Variants in GPR107 observed in about 807,000 individuals in gnomAD.
GPR107 encodes protein GPR107.
GPR107 carries 31 observed loss-of-function variants against 75.5 expected under a neutral mutation model. The ratio of observed to expected loss-of-function variants is 0.41; its 90% CI spans 0.31 to 0.55. GPR107 has a LOEUF of 0.55. Ranked by LOEUF, GPR107 falls within the 20% of genes least tolerant of loss-of-function variation. GPR107 has a pLI of 0.26. For synonymous variants in GPR107, 267 were observed against 251.3 expected (o/e 1.06, Z -0.59); for missense variants, 572 against 665.7 (o/e 0.86, Z 1.55).
At chr9:130,132,018 A>AC (rs1256190010) in intron 17 of GPR107, among the ~76,000 whole-genome samples, 2 of 152,136 alleles carry the variant, frequency 1.3e-5, no homozygotes, top group Non-Finnish European at 2.9e-5. Context: ...AATAGCTGGG[A>AC]CCACAGATGA....
At chr9:130,078,465 G>A (rs1830413831) in intron 4 of GPR107, among the ~76,000 whole-genome samples, 2 of 152,186 alleles carry the variant, frequency 1.3e-5, no homozygotes, top group South Asian at 4.1e-4. Context: ...TTTCATTTAA[G>A]AAGATTGATC....
At chr9:130,102,408 C>T (rs891391444) in intron 12 of GPR107, among the ~76,000 whole-genome samples, 6 of 152,172 alleles carry the variant, frequency 3.9e-5, no homozygotes, top group Non-Finnish European at 8.8e-5. Context: ...CCAGCCTGAA[C>T]CAGGCTGTCG....
Position 130,138,606 on chromosome 9 carries a change from AG to A in GPR107, c.*3487del, listed in dbSNP as rs1554900342. ...CTCCCCGTGCCTATTGATCCCACAT[AG>A]GCTCATTCTGGGTACACCGGCTAAA... On this transcript the variant is annotated 3_prime_UTR_variant, in exon 18 of 18. Coordinates refer to ENST00000347136, the MANE Select transcript of GPR107 (RefSeq NM_020960.5). 1 of 150,216 alleles carries A rather than the reference AG, an allele frequency of 6.7e-6. No individual in the cohort carries two copies. The highest frequency in any genetic ancestry group is 1.5e-5 in the Non-Finnish European group (1 of 67,862). 9.3% of individuals were successfully genotyped at this position (150,216 alleles called of 1,614,324 possible).
intron 14 of GPR107, among the ~76,000 whole-genome samples, chr9:130,123,950 T>C (rs1395476833): frequency 6.6e-6 from 1 of 152,244 alleles, no homozygotes; most frequent in Non-Finnish European, 1.5e-5. Context: ...TCCTCTCAAC[T>C]GTGAGACTTT....
chr9:130,056,155 A>T (rs547002409), intron 1 of GPR107, among the ~76,000 whole-genome samples: 1 of 151,164 alleles, frequency 6.6e-6, no homozygotes, highest in East Asian at 2.0e-4. Flanking sequence ...GCATGTAGAA[A>T]TGTAGACAAA....
intron 6 of GPR107, among the ~76,000 whole-genome samples, chr9:130,084,778 A>G (rs1830577408): frequency 6.6e-6 from 1 of 150,592 alleles, no homozygotes; most frequent in Admixed American, 6.6e-5. Flanking sequence ...CCTGTCTCAA[A>G]AAAAAAAAAA....
chr9:130,090,518 A>AT (rs1332838401), intron 7 of GPR107, among the ~76,000 whole-genome samples: 1 of 152,228 alleles, frequency 6.6e-6, no homozygotes, highest in Non-Finnish European at 1.5e-5. Flanking sequence ...TAGATCTGTG[A>AT]TAAAACAGGC....
intron 1 of GPR107, among the ~76,000 whole-genome samples, chr9:130,055,938 C>T (rs1353883031): frequency 6.6e-6 from 1 of 151,590 alleles, no homozygotes; most frequent in Non-Finnish European, 1.5e-5. Flanking sequence ...AAGAACTATA[C>T]TCTGTCTCAA....
chr9:130,081,257 G>C (rs2132571045), intron 5 of GPR107, among the ~76,000 whole-genome samples: 1 of 152,238 alleles, frequency 6.6e-6, no homozygotes, highest in South Asian at 2.1e-4. Context: ...CTCAAAGGAG[G>C]CTGGGCATGG....
chr9:130,108,386 A>G (rs1275422274), intron 14 of GPR107, among the ~76,000 whole-genome samples: 2 of 152,278 alleles, frequency 1.3e-5, no homozygotes, highest in African/African-American at 4.8e-5. Context: ...GAAAATTCGG[A>G]AAATGCATAG....
intron 10 of GPR107, 21 bp downstream of exon 10, chr9:130,099,553 G>A (rs1356371065): frequency 7.2e-7 from 1 of 1,393,268 alleles, no homozygotes; most frequent in Admixed American, 1.7e-5. Flanking sequence ...GCATTTTGAG[G>A]ATCATTCATG....
At chr9:130,104,747 C>T (rs541194049) in intron 13 of GPR107, among the ~76,000 whole-genome samples, 197 bp downstream of exon 13, 6 of 152,320 alleles carry the variant, frequency 3.9e-5, no homozygotes, top group East Asian at 1.9e-4. Context: ...GGTATTCTGG[C>T]AGAGCTAATC....
intron 17 of GPR107, among the ~76,000 whole-genome samples, chr9:130,132,235 T>C (rs1366124934): frequency 6.6e-6 from 1 of 152,134 alleles, no homozygotes; most frequent in Non-Finnish European, 1.5e-5. Context: ...GAATCACCTG[T>C]AGAGTGTTTT....
chr9:130,137,054 T>C lies in GPR107; in HGVS notation c.*1933T>C, dbSNP rs1831976280. 1 of 152,230 alleles carries C rather than the reference T, an allele frequency of 6.6e-6. No individual in the cohort carries two copies. The highest frequency in any genetic ancestry group is 2.4e-5 in the African/African-American group (1 of 41,472). 9.4% of individuals were successfully genotyped at this position (152,230 alleles called of 1,614,324 possible). A position where few individuals can be genotyped will look rare whatever the true frequency, so the allele number is the denominator to read the frequency against. ...CAGTTTTCGCAGAAATGTGTCTCAA[T>C]CTGTGACTACCAAAGCCCTCCTCAG... On this transcript the variant is annotated 3_prime_UTR_variant, in exon 18 of 18. Transcript: ENST00000347136.
intron 14 of GPR107, among the ~76,000 whole-genome samples, chr9:130,115,331 A>G (rs967023788): frequency 1.2e-4 from 18 of 152,012 alleles, no homozygotes; most frequent in African/African-American, 4.4e-4. Context: ...ATGATGTGAG[A>G]CTTCCCAGAA....
chr9:130,098,445 C>T (rs984528938), intron 9 of GPR107, among the ~76,000 whole-genome samples: 3 of 152,196 alleles, frequency 2.0e-5, no homozygotes, highest in African/African-American at 7.2e-5. Flanking sequence ...CAGACTTCCC[C>T]TACAGCTATT....
rs186265948 is a variant in GPR107, at chr9:130,117,648, G to T, written c.1307-7267G>T. ...TGCCGAGACTCAGCGTAAGTCAGAG[G>T]TACTCTTAACGCCAGCCAGGCTGTC... On this transcript the variant is annotated intron_variant, in intron 14 of 17. Transcript: ENST00000347136. Among the ~76,000 whole-genome samples, 9 of 152,294 alleles carry T rather than the reference G, an allele frequency of 5.9e-5. No individual in the cohort carries two copies. The East Asian group carries it at 1.7e-3, about 29-fold the overall frequency.
At chr9:130,127,380 A>G (rs1831714017) in intron 15 of GPR107, 103 bp from the exon 16 acceptor site, 1 of 702,332 alleles carries the variant, frequency 1.4e-6, no homozygotes. Flanking sequence ...TCTTTGAGTG[A>G]TTCTGTTTTC....
chr9:130,086,385 G>T lies in GPR107; in HGVS notation c.565-35G>T, dbSNP rs768886361. Reference sequence around the variant, plus strand: ...TTTTAATTAGCATGCTTCTATGCCGGTGTCATCCTAAAACATACTATTATG... The same window carrying T: ...TTTTAATTAGCATGCTTCTATGCCGTTGTCATCCTAAAACATACTATTATG... On this transcript the variant is annotated intron_variant, in intron 6 of 17. Coordinates refer to ENST00000347136, the MANE Select transcript of GPR107 (RefSeq NM_020960.5). The T allele has an allele frequency of 3.1e-5, 30 of 967,318 alleles. No individual in the cohort carries two copies. In the South Asian group the frequency reaches 3.7e-4, roughly 12 times the overall value. The allele number at this position is 967,318 out of a possible 1,614,324, so 59.9% of individuals were successfully genotyped here. A position where few individuals can be genotyped will look rare whatever the true frequency, so the allele number is the denominator to read the frequency against.
Sources: allele counts gnomAD v4.1 joint callset (sites outside exome capture counted in the v4.1 genomes callset), GRCh38; gene constraint gnomAD v4.1.1; transcripts MANE v1.5; gene names NCBI Gene and HGNC (gene_info 2026-07-23, HGNC 2026-07-21).